Variants in FBXL7 observed in about 807,000 individuals in gnomAD.
The protein encoded by FBXL7 is F-box and leucine rich repeat protein 7, also known as F-box/LRR-repeat protein 7.
Under a neutral mutation model 38.3 loss-of-function variants are expected in FBXL7, and 12 were observed. That is an observed-to-expected ratio of 0.31 (90% CI 0.20 to 0.51). The LOEUF (loss-of-function observed/expected upper bound fraction) is 0.51. Among genes scored for constraint, FBXL7 ranks in the 20% least tolerant of loss-of-function variants. The pLI, the probability that FBXL7 is intolerant of heterozygous loss-of-function variation, is 0.98. For missense variants in FBXL7, 567 were observed against 676.4 expected (o/e 0.84, Z 1.79); for synonymous variants, 297 against 300.9 (o/e 0.99, Z 0.13).
chr5:15,807,750 C>T (rs551954433), intron 2 of FBXL7, among the ~76,000 whole-genome samples: 1 of 151,934 alleles, frequency 6.6e-6, no homozygotes, highest in Admixed American at 6.6e-5. Context: ...ACATCATTTC[C>T]AGAAAGAGCT....
chr5:15,555,595 C>T (rs999654240), intron 1 of FBXL7, among the ~76,000 whole-genome samples: 7 of 152,052 alleles, frequency 4.6e-5, no homozygotes, highest in African/African-American at 1.7e-4. Context: ...CAATTGTGTT[C>T]AGGAGAGAGT....
Position 15,939,789 on chromosome 5 carries a change from C to A in FBXL7, c.*2603C>A, listed in dbSNP as rs1357415889. The A allele has an allele frequency of 1.3e-5, 2 of 152,538 alleles. No individual in the cohort carries two copies. The highest frequency in any genetic ancestry group is 2.9e-5 in the Non-Finnish European group (2 of 68,034). 9.4% of individuals were successfully genotyped at this position (152,538 alleles called of 1,614,324 possible). A position where few individuals can be genotyped will look rare whatever the true frequency, so the allele number is the denominator to read the frequency against. ...CTACCAAGAAATAAAGCAATATGTT[C>A]GTAATCAGCCTCAGCTTCATTTTTA... On this transcript the variant is annotated 3_prime_UTR_variant, in exon 4 of 4. Coordinates refer to ENST00000504595, the MANE Select transcript of FBXL7 (RefSeq NM_012304.5).
intron 2 of FBXL7, among the ~76,000 whole-genome samples, chr5:15,698,048 C>T (rs138629719): frequency 2.5e-4 from 38 of 152,166 alleles, no homozygotes; most frequent in South Asian, 8.3e-4. Context: ...CAATTGAAAG[C>T]GCGATATTTT....
intron 1 of FBXL7, among the ~76,000 whole-genome samples, chr5:15,517,828 A>G (rs1736984447): frequency 6.6e-6 from 1 of 152,098 alleles, no homozygotes; most frequent in Non-Finnish European, 1.5e-5. Context: ...ATTTGGGAGA[A>G]AAAAATTGAC....
chr5:15,655,325 G>A (rs139131191), intron 2 of FBXL7, among the ~76,000 whole-genome samples: 44 of 152,086 alleles, frequency 2.9e-4, no homozygotes, highest in African/African-American at 9.9e-4. Context: ...GTGAAACCCT[G>A]TGTCTACTAA....
At chr5:15,586,685 T>A (rs907643047) in intron 1 of FBXL7, among the ~76,000 whole-genome samples, 5 of 152,080 alleles carry the variant, frequency 3.3e-5, no homozygotes, top group African/African-American at 7.2e-5. Flanking sequence ...CATATTGAAT[T>A]TACTTTCTAA....
At chr5:15,897,447 G>A (rs947977647) in intron 2 of FBXL7, among the ~76,000 whole-genome samples, 1 of 152,184 alleles carries the variant, frequency 6.6e-6, no homozygotes, top group Non-Finnish European at 1.5e-5. Flanking sequence ...CTGGTAGTAG[G>A]CTGAGGAACA....
chr5:15,619,076 G>A (rs1454190198), intron 2 of FBXL7, among the ~76,000 whole-genome samples: 1 of 152,144 alleles, frequency 6.6e-6, no homozygotes, highest in African/African-American at 2.4e-5. Context: ...CCCTTAGGGT[G>A]GTCTTCCTGC....
intron 1 of FBXL7, among the ~76,000 whole-genome samples, chr5:15,601,103 A>ATTC (rs2126493337): frequency 6.6e-6 from 1 of 152,336 alleles, no homozygotes; most frequent in South Asian, 2.1e-4. Context: ...AGTGACTCAG[A>ATTC]AGAGGCAGTT....
intron 1 of FBXL7, among the ~76,000 whole-genome samples, chr5:15,579,364 G>T (rs997441892): frequency 6.6e-6 from 1 of 152,154 alleles, no homozygotes; most frequent in African/African-American, 2.4e-5. Context: ...GACCTGGGAC[G>T]CCAGATGCTG....
Position 15,593,177 on chromosome 5 carries a change from C to T in FBXL7, c.38-22806C>T, listed in dbSNP as rs79147986. On this transcript the variant is annotated intron_variant, in intron 1 of 3. Coordinates refer to ENST00000504595, the MANE Select transcript of FBXL7 (RefSeq NM_012304.5). ...ACATTTTGTTCCCTGCGTGCCCCTT[C>T]CTCCCTCTCACTTCCTCTGGATTGT... Among the ~76,000 whole-genome samples, 289 of 152,298 alleles carry T rather than the reference C, an allele frequency of 1.9e-3. 4 individuals are homozygous for T. In the East Asian group the frequency reaches 0.037, roughly 19 times the overall value.
At chr5:15,906,436 ATTT>A (rs70938032) in intron 2 of FBXL7, among the ~76,000 whole-genome samples, 6,882 of 125,882 alleles carry the variant, frequency 0.055, 207 homozygotes, top group Non-Finnish European at 0.068. Context: ...ACCTAGAAGG[ATTT>A]TTTTTTTTTT....
chr5:15,881,910 T>TATAGGAAGC (rs1350403108), intron 2 of FBXL7, among the ~76,000 whole-genome samples: 1 of 152,152 alleles, frequency 6.6e-6, no homozygotes, highest in Non-Finnish European at 1.5e-5. Flanking sequence ...CTTCAGGCTA[T>TATAGGAAGC]ATAGGAAGCA....
chr5:15,566,449 T>C (rs146136893), intron 1 of FBXL7, among the ~76,000 whole-genome samples: 1 of 152,308 alleles, frequency 6.6e-6, no homozygotes, highest in African/African-American at 2.4e-5. Context: ...CAAGGATGTC[T>C]GTAAAGCATT....
intron 2 of FBXL7, among the ~76,000 whole-genome samples, chr5:15,927,388 G>C (rs1253461296): frequency 6.6e-6 from 1 of 152,130 alleles, no homozygotes; most frequent in Non-Finnish European, 1.5e-5. Context: ...GCATGTGCTT[G>C]GTCCTCTGGG....
At chr5:15,869,626 TTA>T (rs1173480383) in intron 2 of FBXL7, among the ~76,000 whole-genome samples, 2 of 152,184 alleles carry the variant, frequency 1.3e-5, no homozygotes, top group African/African-American at 4.8e-5. Flanking sequence ...ATAGAGATTT[TTA>T]TATGTTTTGT....
chr5:15,865,078 A>C (rs1739647050), intron 2 of FBXL7, among the ~76,000 whole-genome samples: 1 of 152,162 alleles, frequency 6.6e-6, no homozygotes, highest in Non-Finnish European at 1.5e-5. Flanking sequence ...GGGAAGGATT[A>C]CCATTTTAAA....
At chr5:15,756,670 A>G (rs979474155) in intron 2 of FBXL7, among the ~76,000 whole-genome samples, 1 of 152,178 alleles carries the variant, frequency 6.6e-6, no homozygotes, top group Non-Finnish European at 1.5e-5. Flanking sequence ...TCAAGTCTGC[A>G]TGGCAAAAAA....
chr5:15,625,945 G>A (rs568779571), intron 2 of FBXL7, among the ~76,000 whole-genome samples: 9 of 152,242 alleles, frequency 5.9e-5, no homozygotes, highest in African/African-American at 1.9e-4. Context: ...AAAAAATAGT[G>A]CTAAAATGAC....
Sources: gnomAD v4.1 joint callset for allele counts (sites outside exome capture counted in the v4.1 genomes callset) on GRCh38, gnomAD v4.1.1 for gene constraint, MANE v1.5 for transcripts, NCBI Gene and HGNC (gene_info 2026-07-23, HGNC 2026-07-21) for gene names.